The following PLEKHD1 variants were observed in gnomAD, a reference collection of about 807,000 sequenced individuals.
PLEKHD1 encodes pleckstrin homology and coiled-coil domain containing D1.
A neutral mutation model predicts 69.2 loss-of-function variants in PLEKHD1; 51 were observed. The observed-to-expected ratio is 0.74, with a 90% CI of 0.59 to 0.93. The LOEUF is 0.93. Ranked by LOEUF, PLEKHD1 falls within the 40% of genes least tolerant of loss-of-function variation. The probability of loss-of-function intolerance (pLI) is 0.00; values close to 1 mark genes in which losing one functional copy is unlikely to be tolerated. For synonymous variants in PLEKHD1, 236 were observed against 244.7 expected, an observed-to-expected ratio of 0.96 and a Z score of 0.33; for missense variants, 584 against 641.0, an observed-to-expected ratio of 0.91 and a Z score of 0.96.
At chr14:69,510,511 A>C (rs369749674) in intron 6 of PLEKHD1, among the ~76,000 whole-genome samples, 23 of 152,282 alleles carry the variant, frequency 1.5e-4, no homozygotes, top group African/African-American at 5.5e-4. Context: ...TGACAGAGCA[A>C]GACCCTATCT....
chr14:69,513,013 C>T (rs1883304074), intron 6 of PLEKHD1, among the ~76,000 whole-genome samples: 1 of 151,896 alleles, frequency 6.6e-6, no homozygotes, highest in Non-Finnish European at 1.5e-5. Flanking sequence ...TTACTTGAAC[C>T]CAGGAGTTAC....
intron 1 of PLEKHD1, among the ~76,000 whole-genome samples, chr14:69,499,201 T>C (rs903889491): frequency 6.6e-6 from 1 of 150,880 alleles, no homozygotes; most frequent in African/African-American, 2.4e-5. Context: ...TCTCCCTGCA[T>C]GTAAACTTTA....
chr14:69,484,886 C>A lies in PLEKHD1; in HGVS notation c.-80C>A. 1 of 1,484,724 alleles carries A rather than the reference C, an allele frequency of 6.7e-7. No individual in the cohort carries two copies. 92.0% of individuals were successfully genotyped at this position (1,484,724 alleles called of 1,614,324 possible). On this transcript the variant is annotated 5_prime_UTR_variant, in exon 1 of 13. Transcript: ENST00000322564. ...CTCGCTGGGACGCTCTCCGACGGCTCCGCCCTCGCCTCTCGCCCCGAGTCC... is the reference window on the plus strand; with the variant it reads ...CTCGCTGGGACGCTCTCCGACGGCTACGCCCTCGCCTCTCGCCCCGAGTCC...
Position 69,509,678 on chromosome 14 carries a change from C to A in PLEKHD1, c.555+6799C>A, listed in dbSNP as rs537175924. On this transcript the variant is annotated intron_variant, in intron 6 of 12. Coordinates refer to ENST00000322564, the MANE Select transcript of PLEKHD1 (RefSeq NM_001161498.2). ...TTAGGCCACGCACGGTGGCTCATGC[C>A]TGTAATCCCAGCACTTTGGGAGGTC... Among the ~76,000 whole-genome samples, 3 of 152,240 alleles carry A rather than the reference C, an allele frequency of 2.0e-5. No homozygotes were observed. The East Asian group carries it at 5.8e-4, about 29-fold the overall frequency.
upstream of PLEKHD1, among the ~76,000 whole-genome samples, chr14:69,479,920 A>G (rs1882513302): frequency 6.6e-6 from 1 of 152,188 alleles, no homozygotes; most frequent in African/African-American, 2.4e-5. Context: ...GTCAGTCTCC[A>G]TTTGTTTGGC....
chr14:69,508,800 CTGTT>C (rs1377072733), intron 6 of PLEKHD1, among the ~76,000 whole-genome samples: 3 of 152,176 alleles, frequency 2.0e-5, no homozygotes, highest in African/African-American at 4.8e-5. Flanking sequence ...TGTCAGTTGA[CTGTT>C]TGATTCACAG....
chr14:69,483,531 TTC>T (rs1227506537), upstream of PLEKHD1, among the ~76,000 whole-genome samples: 2 of 152,176 alleles, frequency 1.3e-5, no homozygotes, highest in African/African-American at 4.8e-5. Context: ...GATGGAAATG[TTC>T]TGTCTGTTGC....
chr14:69,521,524 A>C (rs1594991620), intron 6 of PLEKHD1, among the ~76,000 whole-genome samples: 1 of 152,254 alleles, frequency 6.6e-6, no homozygotes, highest in East Asian at 1.9e-4. Flanking sequence ...ATCCTCCCAC[A>C]GTGTAAAATG....
chr14:69,505,931 A>G (rs1883141887), intron 6 of PLEKHD1, among the ~76,000 whole-genome samples: 1 of 152,052 alleles, frequency 6.6e-6, no homozygotes, highest in Non-Finnish European at 1.5e-5. Context: ...CAGCCTGCCT[A>G]CCTTTCCCCT....
rs982891712 is a variant in PLEKHD1 at position 69,490,366 on chromosome 14, G to A, written c.149+5252G>A. Among the ~76,000 whole-genome samples, 18 of 152,290 alleles carry A rather than the reference G, an allele frequency of 1.2e-4. 1 individual carries two copies. Among genetic ancestry groups the A allele is most frequent in the Non-Finnish European group, 2.9e-5 (2 of 68,018 alleles). ...GCTCCTATGAGAATCTAATGCCGCC[G>A]CTGATCTGACAGGAGGCGGAGCTCA... is the stretch of plus-strand genomic sequence containing the variant. On this transcript the variant is annotated intron_variant, in intron 1 of 12. Coordinates refer to ENST00000322564, the MANE Select transcript of PLEKHD1 (RefSeq NM_001161498.2).
Position 69,528,608 on chromosome 14 carries a change from C to T in PLEKHD1, c.*189C>T, listed in dbSNP as rs1215122732. ...ACATGGACGCTGCCTTCCTCATCCT[C>T]ACCCCACACCCCACCTTTGGGTCCA... On this transcript the variant is annotated 3_prime_UTR_variant, in exon 13 of 13. Transcript: ENST00000322564. The T allele has an allele frequency of 2.7e-6, 2 of 744,008 alleles. No individual in the cohort carries two copies. The highest frequency in any genetic ancestry group is 1.8e-5 in the African/African-American group (1 of 56,396). 46.1% of individuals were successfully genotyped at this position (744,008 alleles called of 1,614,324 possible).
At chr14:69,520,649 A>G (rs1255311488) in intron 6 of PLEKHD1, among the ~76,000 whole-genome samples, 1 of 152,110 alleles carries the variant, frequency 6.6e-6, no homozygotes, top group Non-Finnish European at 1.5e-5. Flanking sequence ...GAATTGATTG[A>G]ATCTGGGAGG....
chr14:69,472,143 G>A, the PLEKHD1 span, among the ~76,000 whole-genome samples: 21 of 152,056 alleles, frequency 1.4e-4, no homozygotes, highest in African/African-American at 4.3e-4. Flanking sequence ...ATGCCCACTC[G>A]GTCACTCACC....
upstream of PLEKHD1, among the ~76,000 whole-genome samples, chr14:69,483,807 G>A (rs541136254): frequency 3.9e-5 from 6 of 152,374 alleles, no homozygotes; most frequent in South Asian, 1.0e-3. Flanking sequence ...GGCAGGTGGC[G>A]CGGGGCAGGC....
intron 1 of PLEKHD1, among the ~76,000 whole-genome samples, chr14:69,492,256 C>T (rs577931313): frequency 6.6e-6 from 1 of 152,312 alleles, no homozygotes; most frequent in South Asian, 2.1e-4. Flanking sequence ...GAATGGATCT[C>T]TCCCACTTCC....
intron 5 of PLEKHD1, chr14:69,502,153 T>G (rs1442351735): frequency 9.2e-6 from 2 of 217,006 alleles, no homozygotes; most frequent in Non-Finnish European, 1.8e-5. Context: ...TTAAAAATAG[T>G]CTCTAGCTTT....
chr14:69,487,559 C>CCTTTTCCA (rs1196117737), intron 1 of PLEKHD1, among the ~76,000 whole-genome samples: 1 of 151,550 alleles, frequency 6.6e-6, no homozygotes, highest in Non-Finnish European at 1.5e-5. Flanking sequence ...TTCTATAAAA[C>CCTTTTCCA]CTTTTCCACT....
At chr14:69,510,115 G>C (rs1444518762) in intron 6 of PLEKHD1, among the ~76,000 whole-genome samples, 1 of 152,106 alleles carries the variant, frequency 6.6e-6, no homozygotes, top group African/African-American at 2.4e-5. Flanking sequence ...TTTATAGTAA[G>C]TCTTAAAGTT....
At chr14:69,511,359 C>G (rs571063746) in intron 6 of PLEKHD1, among the ~76,000 whole-genome samples, 60 of 152,052 alleles carry the variant, frequency 3.9e-4, no homozygotes, top group Non-Finnish European at 7.1e-4. Context: ...AGTTTCATCA[C>G]GTTGGTCAGG....
Sources: allele counts gnomAD v4.1 joint callset (sites outside exome capture counted in the v4.1 genomes callset), GRCh38; gene constraint gnomAD v4.1.1; transcripts MANE v1.5; gene names NCBI Gene and HGNC (gene_info 2026-07-23, HGNC 2026-07-21).